Variants in GOLGA4 observed in about 807,000 individuals in gnomAD.
GOLGA4 encodes the protein golgin subfamily A member 4.
In GOLGA4, 169 loss-of-function variants were observed where a neutral mutation model predicts 265.9. The ratio of observed to expected loss-of-function variants is 0.64; its 90% CI spans 0.56 to 0.72. The LOEUF (loss-of-function observed/expected upper bound fraction) is 0.72, where lower values mean the gene tolerates loss of function less well. Among genes scored for constraint, GOLGA4 ranks in the 30% least tolerant of loss-of-function variants. The pLI, the probability that GOLGA4 is intolerant of heterozygous loss-of-function variation, is 0.00. For missense variants in GOLGA4, 2,482 were observed against 2,483.4 expected (o/e 1.00, Z 0.01); for synonymous variants, 923 against 855.8 (o/e 1.08, Z -1.37).
intron 4 of GOLGA4, among the ~76,000 whole-genome samples, chr3:37,286,512 A>G (rs2096849903): frequency 6.6e-6 from 1 of 152,192 alleles, no homozygotes; most frequent in South Asian, 2.1e-4. Context: ...CAAAATATTA[A>G]GCTTGTTTTA....
chr3:37,266,851 G>T, intron 2 of GOLGA4: 1 of 1,278,150 alleles, frequency 7.8e-7, no homozygotes, highest in Non-Finnish European at 1.0e-6. Flanking sequence ...GCTACTAGCC[G>T]GGATGATAGC....
chr3:37,263,791 A>G (rs2096776559), intron 2 of GOLGA4, among the ~76,000 whole-genome samples: 1 of 152,238 alleles, frequency 6.6e-6, no homozygotes, highest in Non-Finnish European at 1.5e-5. Context: ...ATGTTCAGAC[A>G]CATATAACTT....
Position 37,324,821 on chromosome 3 carries a change from G to T in GOLGA4, c.2935G>T (p.Ala979Ser). Residue 979 changes from alanine to serine, a missense_variant, in exon 14 of 24, where the codon GCC becomes TCC. By Grantham distance (99) the Ala-to-Ser change is moderately conservative. Transcript: ENST00000361924. ...AAAGAAAAAATTACTGGATCAGGAA[G>T]CCAAACTTAAGAAAGAGCTTGAAAA... ...TLKKKLLDQEAKLKKELENTA... is the reference protein window; with the variant it reads ...TLKKKLLDQESKLKKELENTA... 1 of 1,585,740 alleles carries T rather than the reference G, an allele frequency of 6.3e-7. No homozygotes were observed. The highest frequency in any genetic ancestry group is 8.5e-7 in the Non-Finnish European group (1 of 1,173,072).
chr3:37,313,724 C>G (rs1272551449), intron 10 of GOLGA4, among the ~76,000 whole-genome samples: 1 of 152,136 alleles, frequency 6.6e-6, no homozygotes, highest in Non-Finnish European at 1.5e-5. Flanking sequence ...TATATGTACA[C>G]ATATACACAG....
chr3:37,347,209 T>C lies in GOLGA4; in HGVS notation c.6489T>C (p.His2163=). The change falls in exon 21 of 24, where the codon CAT becomes CAC. Residue 2163 remains histidine, a synonymous_variant. Coordinates refer to ENST00000361924, the MANE Select transcript of GOLGA4 (RefSeq NM_002078.5). Reference sequence around the variant, plus strand: ...ATTTGGCAGGTGGCAATTTGTACCATACGGATGTCTCACTCTTTGGAGAAC... The same window carrying C: ...ATTTGGCAGGTGGCAATTTGTACCACACGGATGTCTCACTCTTTGGAGAAC... ...GTPYKGGNLY[H]TDVSLFGEPT... is the part of the protein sequence containing the mutation. 1.2e-6 allele frequency: 2 copies of C among 1,611,294 alleles called. No individual in the cohort carries two copies. The highest frequency in any genetic ancestry group is 2.2e-5 in the South Asian group (2 of 90,968).
At chr3:37,283,144 A>T (rs1313384473) in intron 3 of GOLGA4, among the ~76,000 whole-genome samples, 1 of 152,204 alleles carries the variant, frequency 6.6e-6, no homozygotes, top group South Asian at 2.1e-4. Flanking sequence ...CTACAATATG[A>T]GTAATTTTAT....
rs139116683 is a variant in GOLGA4, at chr3:37,324,928, C to T, written c.3042C>T (p.Ile1014=). 7 of 1,611,652 alleles carry T rather than the reference C, an allele frequency of 4.3e-6. No homozygotes were observed. In the African/African-American group the frequency reaches 9.4e-5, roughly 22 times the overall value. ...TGGCACAGGCTAACTCAGCTGGAAT[C>T]AGTGATGCAGTGTCAAGACTGGAAA... is the stretch of plus-strand genomic sequence containing the variant. ...LEMAQANSAG[I]SDAVSRLETN... The change falls in exon 14 of 24, where the codon ATC becomes ATT. Residue 1014 remains isoleucine (I), a synonymous_variant. Transcript: ENST00000361924.
At position 37,310,632 on chromosome 3, in the gene GOLGA4, CA is replaced by C. The variant is rs373047897; in HGVS notation, c.1235-4786del. 5.3e-4 allele frequency among the ~76,000 whole-genome samples: 80 copies of C among 152,132 alleles called. 1 individual carries two copies. Among genetic ancestry groups the C allele is most frequent in the African/African-American group, 1.8e-3 (74 of 41,478 alleles). ...TCTGAACTGGAAAGTGAGGAGCTAG[CA>C]ATAAAGGGTCTGCCCTGCATTTTAC... is the stretch of plus-strand genomic sequence containing the variant. On this transcript the variant is annotated intron_variant, in intron 10 of 23. Transcript: ENST00000361924.
At chr3:37,269,358 T>G (rs6800932) in intron 2 of GOLGA4, among the ~76,000 whole-genome samples, 1,700 of 152,306 alleles carry the variant, frequency 0.011, 42 homozygotes, top group African/African-American at 0.038. Context: ...AATGGTAGCA[T>G]TCTCACCATG....
rs755715367 is a variant in GOLGA4 at position 37,325,133 on chromosome 3, T to C, written c.3247T>C (p.Phe1083Leu). 19 of 1,613,272 alleles carry C rather than the reference T, an allele frequency of 1.2e-5. No individual in the cohort carries two copies. Among genetic ancestry groups the C allele is most frequent in the Non-Finnish European group, 1.5e-5 (18 of 1,179,622 alleles). The change falls in exon 14 of 24, where the codon TTT becomes CTT. Residue 1083 changes from phenylalanine to leucine, a missense_variant. Coordinates refer to ENST00000361924, the MANE Select transcript of GOLGA4 (RefSeq NM_002078.5). ...VAELKQKILLFGCEKEEMNKE... is the reference protein window; with the variant it reads ...VAELKQKILLLGCEKEEMNKE... ...AGAACTGAAACAAAAGATCCTCCTATTTGGGTGTGAAAAAGAAGAGATGAA... is the reference window on the plus strand; with the variant it reads ...AGAACTGAAACAAAAGATCCTCCTACTTGGGTGTGAAAAAGAAGAGATGAA...
Position 37,253,549 on chromosome 3 carries a change from T to C in GOLGA4, c.162+2065T>C, listed in dbSNP as rs79485984. ...TGCTTTGTCATTCTATCCGAAACCA[T>C]CTCTTAGCTAGGATTGTTAATATTA... On this transcript the variant is annotated intron_variant, in intron 2 of 23. Transcript: ENST00000361924. Among the ~76,000 whole-genome samples the C allele has an allele frequency of 8.1e-3, 1,233 of 152,100 alleles. 9 individuals are homozygous for C. The highest frequency in any genetic ancestry group is 0.014 in the Non-Finnish European group (931 of 67,978).
At chr3:37,332,835 G>A (rs754995428) in intron 16 of GOLGA4, among the ~76,000 whole-genome samples, 19 of 151,716 alleles carry the variant, frequency 1.3e-4, no homozygotes, top group African/African-American at 4.1e-4. Context: ...TTTCTATGTC[G>A]TTTTTTCACT....
intron 16 of GOLGA4, among the ~76,000 whole-genome samples, chr3:37,330,568 C>T (rs1230763706): frequency 6.6e-6 from 1 of 152,106 alleles, no homozygotes; most frequent in East Asian, 1.9e-4. Context: ...CATGGTTCCT[C>T]CTTAAAAATC....
Position 37,326,451 on chromosome 3 carries a change from C to T in GOLGA4, c.4565C>T (p.Ser1522Phe), listed in dbSNP as rs764531120. 1.2e-6 allele frequency: 2 copies of T among 1,611,070 alleles called. No individual in the cohort carries two copies. The highest frequency in any genetic ancestry group is 1.3e-5 in the African/African-American group (1 of 74,716). ...KESNLETELK[S>F]QTARIMELED... ...TCTAATTTAGAAACAGAGTTAAAGTCTCAAACAGCAAGAATTATGGAATTA... is the reference window on the plus strand; with the variant it reads ...TCTAATTTAGAAACAGAGTTAAAGTTTCAAACAGCAAGAATTATGGAATTA... Residue 1522 changes from serine (S) to phenylalanine (F), a missense_variant, in exon 14 of 24, where the codon TCT becomes TTT. Physicochemically the swap from Ser to Phe is radical, Grantham distance 155. Transcript: ENST00000361924.
rs2097081166 is a variant in GOLGA4, at chr3:37,353,481, G to A, written c.6577-1620G>A. Among the ~76,000 whole-genome samples, 3 of 152,052 alleles carry A rather than the reference G, an allele frequency of 2.0e-5. No homozygotes were observed. The South Asian group carries it at 6.2e-4, about 31-fold the overall frequency. On this transcript the variant is annotated intron_variant, in intron 21 of 23. Coordinates refer to ENST00000361924, the MANE Select transcript of GOLGA4 (RefSeq NM_002078.5). The stretch of plus-strand genomic sequence containing the variant: ...TCTGTCTAGGCAGTACAGTTTAAAT[G>A]ATGAGGGTTTTTGTAAAATGCCTTT...
chr3:37,277,558 T>A (rs913199760), intron 2 of GOLGA4, among the ~76,000 whole-genome samples: 2 of 152,240 alleles, frequency 1.3e-5, no homozygotes, highest in African/African-American at 4.8e-5. Flanking sequence ...AGCGGTGGTC[T>A]TTCCATGTGG....
chr3:37,295,682 T>A (rs2150839090), intron 6 of GOLGA4, among the ~76,000 whole-genome samples: 1 of 152,380 alleles, frequency 6.6e-6, no homozygotes, highest in Non-Finnish European at 1.5e-5. Context: ...GTCCTCTCTC[T>A]GTTTTAAATA....
chr3:37,357,990 T>G (rs764593652), intron 22 of GOLGA4, among the ~76,000 whole-genome samples: 3 of 152,184 alleles, frequency 2.0e-5, no homozygotes, highest in Non-Finnish European at 2.9e-5. Context: ...TCTATTAAAA[T>G]CAGCAACCCT....
intron 4 of GOLGA4, among the ~76,000 whole-genome samples, chr3:37,286,644 A>T (rs978664178): frequency 2.0e-5 from 3 of 152,148 alleles, no homozygotes; most frequent in Non-Finnish European, 4.4e-5. Context: ...GATTTACAGC[A>T]TGCCTCTCTC....
Sources: allele counts gnomAD v4.1 joint callset (sites outside exome capture counted in the v4.1 genomes callset), GRCh38; gene constraint gnomAD v4.1.1; transcripts MANE v1.5; gene names NCBI Gene and HGNC (gene_info 2026-07-23, HGNC 2026-07-21).